LUZP1: variants seen among roughly 807,000 people sequenced by gnomAD.
LUZP1 encodes leucine zipper protein 1, also known as filamin mechanobinding actin cross-linking protein.
A neutral mutation model predicts 71.3 loss-of-function variants in LUZP1; 25 were observed. The observed-to-expected ratio is 0.35, with a 90% CI of 0.26 to 0.49. The LOEUF (loss-of-function observed/expected upper bound fraction) is 0.49, where lower values mean the gene tolerates loss of function less well. Among genes scored for constraint, LUZP1 ranks in the 20% least tolerant of loss-of-function variants. LUZP1 has a pLI of 0.99. For missense variants in LUZP1, 1,142 were observed against 1,300.8 expected, an observed-to-expected ratio of 0.88 and a Z score of 1.88; for synonymous variants, 481 against 506.4, an observed-to-expected ratio of 0.95 and a Z score of 0.67.
intron 2 of LUZP1, among the ~76,000 whole-genome samples, chr1:23,125,549 T>C (rs1250895857): frequency 6.6e-6 from 1 of 152,188 alleles, no homozygotes; most frequent in East Asian, 1.9e-4. Context: ...AAAAAAGTGT[T>C]GAGTGTGAGC....
At chr1:23,137,846 T>C (rs1440972412) in intron 2 of LUZP1, among the ~76,000 whole-genome samples, 1 of 152,198 alleles carries the variant, frequency 6.6e-6, no homozygotes, top group Non-Finnish European at 1.5e-5. Flanking sequence ...GCAATTCTAC[T>C]CTAGGAATTA....
At chr1:23,123,622 G>A (rs1644148203) in intron 2 of LUZP1, among the ~76,000 whole-genome samples, 1 of 152,032 alleles carries the variant, frequency 6.6e-6, no homozygotes, top group Non-Finnish European at 1.5e-5. Context: ...GTCATACAGA[G>A]CTGAGAGAAG....
chr1:23,130,399 C>G (rs1327695210), intron 2 of LUZP1, among the ~76,000 whole-genome samples: 2 of 151,470 alleles, frequency 1.3e-5, no homozygotes, highest in African/African-American at 4.9e-5. Flanking sequence ...ACTGTCATTT[C>G]TTTGTATTTT....
chr1:23,092,867 C>T lies in LUZP1; in HGVS notation c.1395G>A (p.Lys465=). ...GCACTGAGGGCTGCTCCCTAGACTTCTTCCCTTCGCTCTGGGAGGAGCCGG... is the reference window on the plus strand; with the variant it reads ...GCACTGAGGGCTGCTCCCTAGACTTTTTCCCTTCGCTCTGGGAGGAGCCGG... The change falls in exon 4 of 5, where the codon AAG becomes AAA. Residue 465 remains lysine, a synonymous_variant. Transcript: ENST00000302291. 2.5e-6 allele frequency: 4 copies of T among 1,613,878 alleles called. No homozygotes were observed. In the South Asian group the frequency reaches 4.4e-5, roughly 18 times the overall value.
chr1:23,162,529 C>G (rs1644476321), intron 2 of LUZP1, among the ~76,000 whole-genome samples: 1 of 151,622 alleles, frequency 6.6e-6, no homozygotes, highest in African/African-American at 2.4e-5. Context: ...AGCTCTGCCT[C>G]CTGGGTTCTC....
rs192313517 is a variant in LUZP1 at position 23,126,711 on chromosome 1, C to G, written c.-225-17584G>C. On this transcript the variant is annotated intron_variant, in intron 2 of 4. Coordinates refer to ENST00000302291, the Ensembl canonical transcript of LUZP1. Reference sequence around the variant, plus strand: ...TCTTACACCCTGTTCAGTTTATTGACCATACTGTCAGCTGTACCTTTCATC... The same window carrying G: ...TCTTACACCCTGTTCAGTTTATTGAGCATACTGTCAGCTGTACCTTTCATC... Among the ~76,000 whole-genome samples, 8 of 152,270 alleles carry G rather than the reference C, an allele frequency of 5.3e-5. No homozygotes were observed. In the East Asian group the frequency reaches 1.5e-3, roughly 29 times the overall value.
chr1:23,139,010 AAAAAAAAAAATATATAT>A (rs1644279140), intron 2 of LUZP1, among the ~76,000 whole-genome samples: 2 of 103,352 alleles, frequency 1.9e-5, no homozygotes, highest in East Asian at 2.6e-4. Context: ...AAAAAAAAAA[AAAAAAAAAAATATATAT>A]ATATATATAT....
intron 2 of LUZP1, among the ~76,000 whole-genome samples, chr1:23,134,354 C>T (rs748043347): frequency 6.6e-6 from 1 of 151,340 alleles, no homozygotes; most frequent in South Asian, 2.1e-4. Flanking sequence ...TGGTGGTGCA[C>T]GTCTGCAGAC....
chr1:23,106,157 C>T (rs922049452), intron 3 of LUZP1, among the ~76,000 whole-genome samples: 5 of 152,190 alleles, frequency 3.3e-5, no homozygotes, highest in South Asian at 2.1e-4. Context: ...TATCAGCTAG[C>T]ATGATTTATT....
intron 4 of LUZP1, among the ~76,000 whole-genome samples, chr1:23,089,638 G>A (rs1378914122): frequency 6.6e-6 from 1 of 152,090 alleles, no homozygotes; most frequent in Non-Finnish European, 1.5e-5. Flanking sequence ...TGTCTCCCGG[G>A]CTGGAGTGCA....
chr1:23,121,682 T>C (rs554830128), intron 2 of LUZP1, among the ~76,000 whole-genome samples: 2 of 152,296 alleles, frequency 1.3e-5, no homozygotes, highest in South Asian at 4.1e-4. Flanking sequence ...ATCAAGTCAC[T>C]GCACTCCAGA....
At chr1:23,097,549 G>C (rs1434911397) in intron 3 of LUZP1, among the ~76,000 whole-genome samples, 1 of 152,136 alleles carries the variant, frequency 6.6e-6, no homozygotes, top group Admixed American at 6.5e-5. Flanking sequence ...TGAAGCATGA[G>C]GCAAAGAAAG....
At chr1:23,128,580 G>T (rs1644190868) in intron 2 of LUZP1, among the ~76,000 whole-genome samples, 1 of 152,140 alleles carries the variant, frequency 6.6e-6, no homozygotes, top group South Asian at 2.1e-4. Context: ...AGCATTATAA[G>T]GTAAACATCT....
chr1:23,151,172 G>A (rs536187131), intron 2 of LUZP1, among the ~76,000 whole-genome samples: 2 of 152,200 alleles, frequency 1.3e-5, no homozygotes, highest in South Asian at 4.1e-4. Flanking sequence ...AACCTCCCAA[G>A]TAGCTGGGAT....
At chr1:23,089,517 C>G (rs1282798469) in intron 4 of LUZP1, among the ~76,000 whole-genome samples, 1 of 152,006 alleles carries the variant, frequency 6.6e-6, no homozygotes, top group East Asian at 1.9e-4. Context: ...ACATTCCCGT[C>G]TCTCATCCTT....
intron 1 of LUZP1, among the ~76,000 whole-genome samples, chr1:23,169,521 C>G (rs766989748): frequency 1.3e-5 from 2 of 152,184 alleles, no homozygotes; most frequent in Non-Finnish European, 2.9e-5. Context: ...CATGGGTTCC[C>G]GTCCCCCACT....
At chr1:23,098,079 C>A (rs1008791101) in intron 3 of LUZP1, among the ~76,000 whole-genome samples, 1 of 152,182 alleles carries the variant, frequency 6.6e-6, no homozygotes, top group Non-Finnish European at 1.5e-5. Flanking sequence ...AACCAATCCA[C>A]AAAGTTCTTT....
At chr1:23,086,262 C>A (rs1445652668) in exon 5 of LUZP1, 1 of 152,612 alleles carries the variant, frequency 6.6e-6, no homozygotes, top group African/African-American at 2.4e-5. Flanking sequence ...CTTGCTATTA[C>A]AATGTTATTT....
At chr1:23,092,829 G>A in exon 4 of LUZP1, 1 of 1,613,868 alleles carries the variant, frequency 6.2e-7, no homozygotes, top group Non-Finnish European at 8.5e-7. Flanking sequence ...AGCAGCCGGG[G>A]GGTAGCGACT....
Sources: gnomAD v4.1 joint callset for allele counts (sites outside exome capture counted in the v4.1 genomes callset) on GRCh38, gnomAD v4.1.1 for gene constraint, MANE v1.5 for transcripts, NCBI Gene and HGNC (gene_info 2026-07-23, HGNC 2026-07-21) for gene names.